ENOX1: variants seen among roughly 807,000 people sequenced by gnomAD.
The protein encoded by ENOX1 is candidate growth-related and time keeping constitutive hydroquinone (NADH) oxidase.
ENOX1 carries 42 observed loss-of-function variants against 82.5 expected under a neutral mutation model. The observed-to-expected ratio is 0.51, with a 90% CI of 0.40 to 0.66. ENOX1 has a LOEUF of 0.66. Ranked by LOEUF, ENOX1 falls within the 30% of genes least tolerant of loss-of-function variation. ENOX1 has a pLI of 0.00. For missense variants in ENOX1, 608 were observed against 811.6 expected (o/e 0.75, Z 3.05); for synonymous variants, 271 against 282.2 (o/e 0.96, Z 0.40).
At chr13:43,406,428 T>C (rs9316019) in intron 5 of ENOX1, among the ~76,000 whole-genome samples, 33,246 of 151,708 alleles carry the variant, frequency 0.22, 4,574 homozygotes, top group East Asian at 0.52. Context: ...AAGTCTTTTG[T>C]TGGCTCCAAA....
chr13:43,260,288 T>C (rs2043982871), intron 14 of ENOX1, among the ~76,000 whole-genome samples: 2 of 152,232 alleles, frequency 1.3e-5, no homozygotes, highest in South Asian at 4.1e-4. Context: ...TTCTTTTGTG[T>C]TTTTGTTTCA....
intron 2 of ENOX1, among the ~76,000 whole-genome samples, chr13:43,665,265 T>C (rs2084921779): frequency 6.6e-6 from 1 of 152,168 alleles, no homozygotes; most frequent in South Asian, 2.1e-4. Flanking sequence ...ACAGTAGACA[T>C]GGCTAGAAAG....
intron 1 of ENOX1, among the ~76,000 whole-genome samples, chr13:43,757,342 A>G (rs1950712089): frequency 6.6e-6 from 1 of 152,130 alleles, no homozygotes; most frequent in Non-Finnish European, 1.5e-5. Flanking sequence ...GGGGAGTGAA[A>G]GTGTGCCAGT....
At chr13:43,312,355 G>A (rs1020953031) in intron 11 of ENOX1, among the ~76,000 whole-genome samples, 3 of 152,156 alleles carry the variant, frequency 2.0e-5, no homozygotes, top group African/African-American at 7.2e-5. Flanking sequence ...ACTTCAATAA[G>A]TCTTGAAATT....
At chr13:43,583,036 A>G (rs901482632) in intron 2 of ENOX1, among the ~76,000 whole-genome samples, 1 of 152,044 alleles carries the variant, frequency 6.6e-6, no homozygotes, top group African/African-American at 2.4e-5. Flanking sequence ...CACACAGCCT[A>G]GATGGTTTCA....
intron 1 of ENOX1, among the ~76,000 whole-genome samples, chr13:43,680,231 T>C (rs960543531): frequency 1.3e-5 from 2 of 152,176 alleles, no homozygotes; most frequent in African/African-American, 4.8e-5. Flanking sequence ...AACTAAAACT[T>C]CTAAATTAAA....
At chr13:43,299,160 T>C (rs1430705939) in intron 11 of ENOX1, among the ~76,000 whole-genome samples, 1 of 152,222 alleles carries the variant, frequency 6.6e-6, no homozygotes, top group East Asian at 1.9e-4. Flanking sequence ...GTTACTCTAA[T>C]ACCTCTCCCT....
At chr13:43,299,452 C>T (rs78538509) in intron 11 of ENOX1, among the ~76,000 whole-genome samples, 2,095 of 152,156 alleles carry the variant, frequency 0.014, 36 homozygotes, top group African/African-American at 0.048. Context: ...CACTTCATAC[C>T]CCCACCAAGC....
chr13:43,604,642 G>C (rs2081898117), intron 2 of ENOX1, among the ~76,000 whole-genome samples: 1 of 151,996 alleles, frequency 6.6e-6, no homozygotes, highest in African/African-American at 2.4e-5. Context: ...TGCCTATGTT[G>C]AACTATCTTT....
At chr13:43,707,021 T>C (rs994629420) in intron 1 of ENOX1, among the ~76,000 whole-genome samples, 2 of 152,188 alleles carry the variant, frequency 1.3e-5, no homozygotes, top group African/African-American at 4.8e-5. Context: ...TTAAGGAATG[T>C]ACATACACAT....
At chr13:43,332,678 G>A (rs564722195) in intron 9 of ENOX1, among the ~76,000 whole-genome samples, 3 of 152,284 alleles carry the variant, frequency 2.0e-5, no homozygotes, top group Admixed American at 6.5e-5. Context: ...CCAGGGAATT[G>A]TAGAGCCCTT....
intron 2 of ENOX1, among the ~76,000 whole-genome samples, chr13:43,607,433 C>A (rs2082024690): frequency 6.6e-6 from 1 of 152,004 alleles, no homozygotes; most frequent in African/African-American, 2.4e-5. Context: ...TAAAAAGTTC[C>A]CTACAATTTT....
At chr13:43,248,544 T>C (rs1217629011) in intron 14 of ENOX1, among the ~76,000 whole-genome samples, 5 of 152,144 alleles carry the variant, frequency 3.3e-5, no homozygotes, top group Non-Finnish European at 2.9e-5. Context: ...ATGTTTTAAG[T>C]ATTAACTTTT....
At chr13:43,418,254 G>A (rs780835305) in intron 3 of ENOX1, among the ~76,000 whole-genome samples, 20 of 151,990 alleles carry the variant, frequency 1.3e-4, no homozygotes, top group South Asian at 6.2e-4. Context: ...AAGGCTGGGC[G>A]CAGTGGCTCA....
intron 2 of ENOX1, among the ~76,000 whole-genome samples, chr13:43,631,827 T>C (rs2083229114): frequency 2.0e-5 from 3 of 152,222 alleles, no homozygotes; most frequent in Admixed American, 1.3e-4. Context: ...TTCTGAGGCT[T>C]TTCTTTCTTA....
chr13:43,247,864 TATATATATATATATATA>T lies in ENOX1; in HGVS notation c.1612-11143_1612-11127del, dbSNP rs2043200988. Among the ~76,000 whole-genome samples the T allele has an allele frequency of 1.3e-3, 3 of 2,260 alleles. 1 individual carries two copies. Among genetic ancestry groups the T allele is most frequent in the East Asian group, 0.045 (1 of 22 alleles). 1.5% of individuals were successfully genotyped at this position (2,260 alleles called of 152,430 possible). On this transcript the variant is annotated intron_variant, in intron 14 of 16. Transcript: ENST00000690772. ...ATATATATATATATATATATATATA[TATATATATATATATATA>T]TATTTTTTTTTTTTTTTTTTTTGAG...
At chr13:43,242,635 T>C (rs1222641367) in intron 14 of ENOX1, among the ~76,000 whole-genome samples, 1 of 152,156 alleles carries the variant, frequency 6.6e-6, no homozygotes, top group Non-Finnish European at 1.5e-5. Flanking sequence ...CCTTGGCAAA[T>C]TACTCAACAT....
intron 6 of ENOX1, 147 bp downstream of exon 6, chr13:43,361,132 C>A (rs2050474463): frequency 2.7e-6 from 2 of 751,910 alleles, no homozygotes; most frequent in South Asian, 1.8e-5. Context: ...TTTATTGTAA[C>A]CTAGAGACAA....
chr13:43,409,257 T>C (rs924920746), intron 5 of ENOX1, among the ~76,000 whole-genome samples: 1 of 152,200 alleles, frequency 6.6e-6, no homozygotes, highest in Non-Finnish European at 1.5e-5. Context: ...TGGGAATTAA[T>C]TGACCAGTAC....
Sources: gnomAD v4.1 joint callset for allele counts (sites outside exome capture counted in the v4.1 genomes callset) on GRCh38, gnomAD v4.1.1 for gene constraint, MANE v1.5 for transcripts, NCBI Gene and HGNC (gene_info 2026-07-23, HGNC 2026-07-21) for gene names.